Variants in DNAH9 observed in about 807,000 individuals in gnomAD.
The protein encoded by DNAH9 is dynein axonemal heavy chain 9, also known as DNAH9 variant protein.
In DNAH9, 345 loss-of-function variants were observed where a neutral mutation model predicts 471.6. The observed-to-expected ratio is 0.73, with a 90% CI of 0.67 to 0.80. DNAH9 has a LOEUF of 0.80. Ranked by LOEUF, DNAH9 falls within the 30% of genes least tolerant of loss-of-function variation. The pLI is 0.00. For missense variants in DNAH9, 5,407 were observed against 5,609.2 expected (o/e 0.96, Z 1.15); for synonymous variants, 2,093 against 2,123.6 (o/e 0.99, Z 0.40).
intron 22 of DNAH9, among the ~76,000 whole-genome samples, chr17:11,698,974 G>T (rs1444340740): frequency 6.6e-6 from 1 of 152,046 alleles, no homozygotes; most frequent in African/African-American, 2.4e-5. Context: ...GCTATGGCCG[G>T]GTGTGGTGGC....
chr17:11,712,702 T>G (rs2074894084), intron 26 of DNAH9, among the ~76,000 whole-genome samples: 1 of 152,186 alleles, frequency 6.6e-6, no homozygotes, highest in African/African-American at 2.4e-5. Flanking sequence ...CACATGCTTG[T>G]TAGCCATTCA....
intron 42 of DNAH9, among the ~76,000 whole-genome samples, chr17:11,794,493 A>G (rs1407644896): frequency 6.6e-6 from 1 of 152,152 alleles, no homozygotes; most frequent in Admixed American, 6.6e-5. Flanking sequence ...TTTTAATGCC[A>G]CTTATCTCAC....
intron 60 of DNAH9, among the ~76,000 whole-genome samples, chr17:11,903,483 C>T (rs939463186): frequency 7.2e-5 from 11 of 152,068 alleles, no homozygotes; most frequent in Non-Finnish European, 1.2e-4. Flanking sequence ...GAATAGTACA[C>T]TTAAAATGGG....
At chr17:11,920,462 A>T (rs900228347) in intron 61 of DNAH9, among the ~76,000 whole-genome samples, 2 of 151,540 alleles carry the variant, frequency 1.3e-5, no homozygotes, top group East Asian at 4.0e-4. Context: ...CTCTACTAAA[A>T]ATACACAAAT....
rs137864728 is a variant in DNAH9, at chr17:11,829,012, T to C, written c.9247-5626T>C. On this transcript the variant is annotated intron_variant, in intron 48 of 68. Transcript: ENST00000262442. The stretch of plus-strand genomic sequence containing the variant: ...GAAGGGTGGAGAGGCAAATTAACAC[T>C]GAACAATCCCAACATCACCTGCGAG... 1.8e-4 allele frequency among the ~76,000 whole-genome samples: 28 copies of C among 152,264 alleles called. 2 individuals are homozygous for C. The highest frequency in any genetic ancestry group is 6.5e-4 in the African/African-American group (27 of 41,554).
At chr17:11,611,544 C>A in intron 3 of DNAH9, 106 bp from the exon 4 acceptor site, 1 of 1,163,984 alleles carries the variant, frequency 8.6e-7, no homozygotes, top group Non-Finnish European at 1.2e-6. Context: ...TCTGTGGAAG[C>A]ACCCCGAGGC....
intron 26 of DNAH9, among the ~76,000 whole-genome samples, chr17:11,711,876 GTATATATATTTATATATAAA>G (rs1448856191): frequency 0.038 from 1,509 of 39,206 alleles, 584 homozygotes; most frequent in Admixed American, 0.2. Context: ...ATATATATTT[GTATATATATTTATATATAAA>G]TATATATATT....
In DNAH9 at chr17:11,645,309, T is replaced by TA. The variant is rs577440817; in HGVS notation, c.1970+611dup. 9.2e-5 allele frequency among the ~76,000 whole-genome samples: 14 copies of TA among 152,352 alleles called. No homozygotes were observed. In the East Asian group the frequency reaches 2.3e-3, roughly 25 times the overall value. On this transcript the variant is annotated intron_variant, in intron 11 of 68. Coordinates refer to ENST00000262442, the MANE Select transcript of DNAH9 (RefSeq NM_001372.4). ...CAGACAGATTAATTAACAGCACCTC[T>TA]ACCTGGCAAGTAACACACATTCCAC...
chr17:11,817,065 AAT>A (rs980487289), intron 45 of DNAH9, among the ~76,000 whole-genome samples: 3 of 146,688 alleles, frequency 2.0e-5, no homozygotes, highest in African/African-American at 5.5e-5. Flanking sequence ...CAAAAAAAAA[AAT>A]AATAATAATA....
At chr17:11,615,336 G>C (rs998239162) in intron 4 of DNAH9, among the ~76,000 whole-genome samples, 1 of 152,092 alleles carries the variant, frequency 6.6e-6, no homozygotes, top group African/African-American at 2.4e-5. Context: ...TGCAATCCCA[G>C]CACTTTGGGA....
At chr17:11,682,939 T>C (rs539994758) in intron 19 of DNAH9, among the ~76,000 whole-genome samples, 1 of 152,330 alleles carries the variant, frequency 6.6e-6, no homozygotes, top group Non-Finnish European at 1.5e-5. Context: ...CTCAAAACCC[T>C]TGTAGACTCC....
intron 1 of DNAH9, among the ~76,000 whole-genome samples, chr17:11,604,420 A>G (rs1042107940): frequency 2.0e-5 from 3 of 152,066 alleles, no homozygotes; most frequent in Admixed American, 1.3e-4. Context: ...CTGTCATTCA[A>G]TTTCAAAGTT....
chr17:11,703,705 GT>G (rs1482161035), intron 24 of DNAH9, among the ~76,000 whole-genome samples: 1 of 152,106 alleles, frequency 6.6e-6, no homozygotes, highest in Non-Finnish European at 1.5e-5. Context: ...GCACTTTAAG[GT>G]TTTAAAATAT....
intron 6 of DNAH9, among the ~76,000 whole-genome samples, chr17:11,620,302 C>A (rs2072830172): frequency 6.6e-6 from 1 of 151,808 alleles, no homozygotes. Context: ...ATCATGAGGT[C>A]AGGAGTTCGA....
intron 26 of DNAH9, among the ~76,000 whole-genome samples, chr17:11,708,065 C>T (rs1042009328): frequency 1.5e-5 from 2 of 132,564 alleles, no homozygotes; most frequent in African/African-American, 5.9e-5. Flanking sequence ...AGCAGGTAAC[C>T]CTGACAGAGC....
chr17:11,876,337 G>T (rs536331396), intron 53 of DNAH9, among the ~76,000 whole-genome samples: 1 of 152,142 alleles, frequency 6.6e-6, no homozygotes, highest in African/African-American at 2.4e-5. Flanking sequence ...TTTCCATAAC[G>T]TGATTATTAT....
chr17:11,876,628 G>A (rs1479773038), intron 53 of DNAH9, among the ~76,000 whole-genome samples: 2 of 152,188 alleles, frequency 1.3e-5, no homozygotes, highest in Admixed American at 6.5e-5. Context: ...ACAGAAAGTC[G>A]AATGGTGTTT....
intron 27 of DNAH9, among the ~76,000 whole-genome samples, chr17:11,726,494 G>A (rs528213707): frequency 6.6e-6 from 1 of 152,222 alleles, no homozygotes; most frequent in East Asian, 1.9e-4. Context: ...CTGTGGTTCC[G>A]CGGAATAAAC....
Position 11,901,328 on chromosome 17 carries a change from C to T in DNAH9, c.11407-1391C>T, listed in dbSNP as rs563478421. On this transcript the variant is annotated intron_variant, in intron 59 of 68. Coordinates refer to ENST00000262442, the MANE Select transcript of DNAH9 (RefSeq NM_001372.4). ...GTCAACTCTGCAAGTATCTCTAAGT[C>T]AGGGGTGTTCAATCTTTGGCTTCCC... Among the ~76,000 whole-genome samples, 24 of 152,302 alleles carry T rather than the reference C, an allele frequency of 1.6e-4. No individual in the cohort carries two copies. The South Asian group carries it at 4.8e-3, about 30-fold the overall frequency.
Sources: allele counts gnomAD v4.1 joint callset (sites outside exome capture counted in the v4.1 genomes callset), GRCh38; gene constraint gnomAD v4.1.1; transcripts MANE v1.5; gene names NCBI Gene and HGNC (gene_info 2026-07-23, HGNC 2026-07-21).